PLEKHH3: variants seen among roughly 807,000 people sequenced by gnomAD.
PLEKHH3 encodes the protein pleckstrin homology domain-containing family H member 3.
In PLEKHH3, 57 loss-of-function variants were observed where a neutral mutation model predicts 77.8. The ratio of observed to expected loss-of-function variants is 0.73; its 90% CI spans 0.59 to 0.91. The LOEUF is 0.91. Ranked by LOEUF, PLEKHH3 falls within the 40% of genes least tolerant of loss-of-function variation. PLEKHH3 has a pLI of 0.00. For synonymous variants in PLEKHH3, 467 were observed against 504.8 expected (o/e 0.93, Z 1.00); for missense variants, 1,082 against 1,091.2 (o/e 0.99, Z 0.12).
At position 42,671,421 on chromosome 17, in the gene PLEKHH3, A is replaced by T; in HGVS notation, c.1214T>A (p.Leu405Gln). The T allele has an allele frequency of 6.2e-7, 1 of 1,613,068 alleles. No individual in the cohort carries two copies. Among genetic ancestry groups the T allele is most frequent in the South Asian group, 1.1e-5 (1 of 91,084 alleles). The change falls in exon 8 of 13, where the codon CTG becomes CAG. Residue 405 changes from leucine to glutamine, a missense_variant. Coordinates refer to ENST00000591022, the MANE Select transcript of PLEKHH3 (RefSeq NM_024927.5). The surrounding 1 kb of genome is among the most constrained non-coding windows in gnomAD (Gnocchi z 4.7). ...AGCCCCCGGACAGTGCACGGTACAC[A>T]GCAGCTCCTGCCGTTGGCTCAACGC... ...ISALSQRQEL[L>Q]CTVHCPGAGA...
chr17:42,669,800 G>C, intron 11 of PLEKHH3, 118 bp downstream of exon 11: 1 of 1,541,226 alleles, frequency 6.5e-7, no homozygotes, highest in Non-Finnish European at 8.8e-7. Flanking sequence ...CCTGGGGTTT[G>C]AGATGGGTAG....
At position 42,676,339 on chromosome 17, in the gene PLEKHH3, T is replaced by A. The variant is rs917542896; in HGVS notation, c.162+63A>T. The stretch of plus-strand genomic sequence containing the variant: ...GCGTGTGGCTGGAGGCTGGAGCGGA[T>A]CAGCGTGACGGCCGGTTACAGCGAG... On this transcript the variant is annotated intron_variant, in intron 1 of 12. Coordinates refer to ENST00000591022, the MANE Select transcript of PLEKHH3 (RefSeq NM_024927.5). This position sits in a 1 kb window ranked among gnomAD's most constrained non-coding sequence, Gnocchi z 6.6. 11 of 1,596,844 alleles carry A rather than the reference T, an allele frequency of 6.9e-6. No individual in the cohort carries two copies. In the African/African-American group the frequency reaches 1.5e-4, roughly 21 times the overall value.
At position 42,671,068 on chromosome 17, in the gene PLEKHH3, G is replaced by A; in HGVS notation, c.1347C>T (p.Tyr449=). The A allele has an allele frequency of 6.2e-7, 1 of 1,609,228 alleles. No individual in the cohort carries two copies. Among genetic ancestry groups the A allele is most frequent in the Non-Finnish European group, 8.5e-7 (1 of 1,178,012 alleles). The change falls in exon 9 of 13, where the codon TAC becomes TAT. Residue 449 remains tyrosine (Y), a synonymous_variant. Transcript: ENST00000591022. The surrounding 1 kb of genome is among the most constrained non-coding windows in gnomAD (Gnocchi z 4.7). The part of the protein sequence containing the change: ...LARSRNAFAL[Y]EQRGAQERAL... ...CTCGCTCCTGGGCCCCTCGCTGCTC[G>A]TACAGCGCGAATGCGTTGCGGCTCC...
chr17:42,676,713 G>T lies in PLEKHH3; in HGVS notation c.-150C>A. Reference sequence around the variant, plus strand: ...GGACAGGGAGGAGGCAGTGTCCTGGGCTGGGGTGCAAGGGGACGCTAGCCA... The same window carrying T: ...GGACAGGGAGGAGGCAGTGTCCTGGTCTGGGGTGCAAGGGGACGCTAGCCA... On this transcript the variant is annotated 5_prime_UTR_variant, in exon 1 of 13. Transcript: ENST00000591022. The surrounding 1 kb of genome is among the most constrained non-coding windows in gnomAD (Gnocchi z 6.6). 1.3e-6 allele frequency: 1 copy of T among 775,568 alleles called. No individual in the cohort carries two copies. The highest frequency in any genetic ancestry group is 2.7e-5 in the East Asian group (1 of 37,242). 48.0% of individuals were successfully genotyped at this position (775,568 alleles called of 1,614,324 possible).
chr17:42,669,213 C>T, intron 12 of PLEKHH3: 1 of 443,728 alleles, frequency 2.3e-6, no homozygotes, highest in Non-Finnish European at 3.8e-6. Context: ...CCTGTCACAT[C>T]ACTCTTTCCT....
At chr17:42,669,742 G>A in intron 11 of PLEKHH3, 121 bp from the exon 12 acceptor site, 2 of 1,459,968 alleles carry the variant, frequency 1.4e-6, no homozygotes, top group South Asian at 1.3e-5. Context: ...GCACGTGTGT[G>A]GAGGGGGCTG....
chr17:42,668,369 C>T (rs1170980887), intron 12 of PLEKHH3, 66 bp from the exon 13 acceptor site: 1 of 1,397,950 alleles, frequency 7.2e-7, no homozygotes, highest in Non-Finnish European at 9.3e-7. Context: ...CTCATCCTTT[C>T]TCCAGGCTCT....
chr17:42,676,264 TG>T lies in PLEKHH3; in HGVS notation c.162+137del. The T allele has an allele frequency of 6.9e-7, 1 of 1,442,696 alleles. No homozygotes were observed. 89.4% of individuals were successfully genotyped at this position (1,442,696 alleles called of 1,614,324 possible). A position where few individuals can be genotyped will look rare whatever the true frequency, so the allele number is the denominator to read the frequency against. On this transcript the variant is annotated intron_variant, in intron 1 of 12. Transcript: ENST00000591022. This position sits in a 1 kb window ranked among gnomAD's most constrained non-coding sequence, Gnocchi z 6.6. ...CTGCTCCGAGAGCTCCCGGGGGCTT[TG>T]GCCCCCAGGCAAAAAACTCTCCCTC...
Position 42,674,060 on chromosome 17 carries a change from G to A in PLEKHH3, c.219-47C>T, listed in dbSNP as rs769638094. On this transcript the variant is annotated intron_variant, in intron 2 of 12. Transcript: ENST00000591022. ...GTTGGGTCTCCACTCTGCCTCTAGG[G>A]GGCTCCTCTGTAGGGGCTCCCCAGA... The A allele has an allele frequency of 2.5e-6, 4 of 1,589,946 alleles. No individual in the cohort carries two copies. In the South Asian group the frequency reaches 4.5e-5, roughly 18 times the overall value.
chr17:42,670,644 GCAGA>G lies in PLEKHH3; in HGVS notation c.1479_1482del (p.Leu494ValfsTer175). The G allele has an allele frequency of 6.2e-7, 1 of 1,613,214 alleles. No individual in the cohort carries two copies. Among genetic ancestry groups the G allele is most frequent in the Non-Finnish European group, 8.5e-7 (1 of 1,179,902 alleles). ...TCAGGGTGCAGAGGTCCGTGAAGACGCAGACATAGTCTCCACCCGGAGTCGGGCG... is the reference window on the plus strand; with the variant it reads ...TCAGGGTGCAGAGGTCCGTGAAGACGCATAGTCTCCACCCGGAGTCGGGCG... On this transcript the variant is annotated frameshift_variant, in exon 10 of 13. Transcript: ENST00000591022. LOFTEE classifies it high-confidence loss of function.
At chr17:42,675,121 C>G (rs2143607823) in intron 1 of PLEKHH3, among the ~76,000 whole-genome samples, 1 of 152,088 alleles carries the variant, frequency 6.6e-6, no homozygotes, top group Middle Eastern at 3.4e-3. Context: ...CTCCTCCCTT[C>G]CCCCTGTCCT....
Position 42,676,268 on chromosome 17 carries a change from C to T in PLEKHH3, c.162+134G>A, listed in dbSNP as rs1382179183. 4 of 1,463,500 alleles carry T rather than the reference C, an allele frequency of 2.7e-6. No individual in the cohort carries two copies. The East Asian group carries it at 9.5e-5, about 35-fold the overall frequency. The allele number at this position is 1,463,500 out of a possible 1,614,324, so 90.7% of individuals were successfully genotyped here. A position where few individuals can be genotyped will look rare whatever the true frequency, so the allele number is the denominator to read the frequency against. On this transcript the variant is annotated intron_variant, in intron 1 of 12. Transcript: ENST00000591022. This position sits in a 1 kb window ranked among gnomAD's most constrained non-coding sequence, Gnocchi z 6.6. The stretch of plus-strand genomic sequence containing the variant: ...TCCGAGAGCTCCCGGGGGCTTTGGC[C>T]CCCAGGCAAAAAACTCTCCCTCATC...
Position 42,676,392 on chromosome 17 carries a change from C to A in PLEKHH3, c.162+10G>T. ...TGATTGAGACGAGGCTCCGAACCCC[C>A]GGGACTTACCCTCCCGCCGCCCGCT... is the stretch of plus-strand genomic sequence containing the variant. On this transcript the variant is annotated intron_variant, in intron 1 of 12. Coordinates refer to ENST00000591022, the MANE Select transcript of PLEKHH3 (RefSeq NM_024927.5). The surrounding 1 kb of genome is among the most constrained non-coding windows in gnomAD (Gnocchi z 6.6). The A allele has an allele frequency of 2.5e-6, 4 of 1,612,652 alleles. No homozygotes were observed. Among genetic ancestry groups the A allele is most frequent in the Non-Finnish European group, 3.4e-6 (4 of 1,179,626 alleles).
chr17:42,672,078 C>T lies in PLEKHH3; in HGVS notation c.1076+8G>A. The T allele has an allele frequency of 6.8e-7, 1 of 1,469,276 alleles. No individual in the cohort carries two copies. Among genetic ancestry groups the T allele is most frequent in the Non-Finnish European group, 9.1e-7 (1 of 1,104,962 alleles). 91.0% of individuals were successfully genotyped at this position (1,469,276 alleles called of 1,614,324 possible). A position where few individuals can be genotyped will look rare whatever the true frequency, so the allele number is the denominator to read the frequency against. On this transcript the variant is annotated splice_region_variant and intron_variant, in intron 7 of 12. Coordinates refer to ENST00000591022, the MANE Select transcript of PLEKHH3 (RefSeq NM_024927.5). The stretch of plus-strand genomic sequence containing the variant: ...CCTAGGCCGTAACCCCCACCTCGCC[C>T]CTCTCACCTCTCCAAGTGCCCCAGG...
chr17:42,668,060 C>T lies in PLEKHH3; in HGVS notation c.*67G>A, dbSNP rs1290195445. The stretch of plus-strand genomic sequence containing the variant: ...GCAGGGCCAAAAGGGTCCATGTTTC[C>T]CTCAAATCTCAGAGCAGTCCTGGCC... On this transcript the variant is annotated 3_prime_UTR_variant, in exon 13 of 13. Coordinates refer to ENST00000591022, the MANE Select transcript of PLEKHH3 (RefSeq NM_024927.5). 9 of 1,267,650 alleles carry T rather than the reference C, an allele frequency of 7.1e-6. No homozygotes were observed. The African/African-American group carries it at 9.3e-5, about 13-fold the overall frequency. The allele number at this position is 1,267,650 out of a possible 1,614,324, so 78.5% of individuals were successfully genotyped here.
chr17:42,674,290 G>T, intron 2 of PLEKHH3, 64 bp downstream of exon 2: 1 of 1,492,202 alleles, frequency 6.7e-7, no homozygotes, highest in Non-Finnish European at 9.0e-7. Context: ...GGGAGACAGA[G>T]AGGATGGGGG....
In PLEKHH3 at chr17:42,676,444, T is replaced by TTTCTCG. The variant is rs1555639974; in HGVS notation, c.119_120insCGAGAA (p.Glu40delinsAspGluLys). Reference sequence around the variant, plus strand: ...GACTCGGGGTCCGCAGCTCAAAGGTTTCCTCGTCCTCGTCCTCGTCCCCGT... The same window carrying TTTCTCG: ...GACTCGGGGTCCGCAGCTCAAAGGTTTTCTCGTCCTCGTCCTCGTCCTCGTCCCCGT... On this transcript the variant is annotated protein_altering_variant, in exon 1 of 13. Coordinates refer to ENST00000591022, the MANE Select transcript of PLEKHH3 (RefSeq NM_024927.5). This position sits in a 1 kb window ranked among gnomAD's most constrained non-coding sequence, Gnocchi z 6.6. The TTTCTCG allele has an allele frequency of 2.0e-4, 318 of 1,613,030 alleles. No homozygotes were observed. The Middle Eastern group carries it at 3.1e-3, about 16-fold the overall frequency.
At position 42,670,677 on chromosome 17, in the gene PLEKHH3, C is replaced by T; in HGVS notation, c.1450G>A (p.Asp484Asn). The change falls in exon 10 of 13, where the codon GAC (aspartate) becomes AAC (asparagine). Residue 484 changes from aspartate (D) to asparagine (N), a missense_variant. Asp to Asn is a conservative substitution (Grantham distance 23, BLOSUM62 1). This residue lies in a region of PLEKHH3 where 733 missense variants were observed against 750.0 expected (regional missense o/e 0.98). Coordinates refer to ENST00000591022, the MANE Select transcript of PLEKHH3 (RefSeq NM_024927.5). The stretch of plus-strand genomic sequence containing the variant: ...AGTCTCCACCCGGAGTCGGGCGAGT[C>T]CTCCAACCCAGCTTCCTCCGCGGCC... Reference protein sequence around the residue: ...NLAAEEAGLEDSPDSGWRLCL... With the variant: ...NLAAEEAGLENSPDSGWRLCL... 6.2e-7 allele frequency: 1 copy of T among 1,612,940 alleles called. No individual in the cohort carries two copies. The highest frequency in any genetic ancestry group is 8.5e-7 in the Non-Finnish European group (1 of 1,179,714).
chr17:42,675,142 CT>C (rs1446181959), intron 1 of PLEKHH3, among the ~76,000 whole-genome samples: 1 of 152,074 alleles, frequency 6.6e-6, no homozygotes, highest in African/African-American at 2.4e-5. Context: ...GGAACTTCAA[CT>C]GTAGACTGGG....
Sources: gnomAD v4.1 joint callset for allele counts (sites outside exome capture counted in the v4.1 genomes callset) on GRCh38, gnomAD v4.1.1 for gene constraint, gnomAD v4.1.1 regional missense constraint, Gnocchi (gnomAD v3.1) non-coding constraint, MANE v1.5 for transcripts, NCBI Gene and HGNC (gene_info 2026-07-23, HGNC 2026-07-21) for gene names.